SIDT1: variants seen among roughly 807,000 people sequenced by gnomAD.
The protein encoded by SIDT1 is SID1 transmembrane family, member 1.
Under a neutral mutation model 107.5 loss-of-function variants are expected in SIDT1, and 101 were observed. That is an observed-to-expected ratio of 0.94 (90% confidence interval 0.80 to 1.11). The LOEUF is 1.11. SIDT1 is among the 50% of genes least tolerant of loss of function. SIDT1 has a pLI of 0.00. For synonymous variants in SIDT1, 395 were observed against 398.2 expected (o/e 0.99, Z 0.10); for missense variants, 1,076 against 1,058.2 (o/e 1.02, Z -0.23).
At chr3:113,568,362 G>A (rs143752603) in intron 3 of SIDT1, among the ~76,000 whole-genome samples, 171 of 151,766 alleles carry the variant, frequency 1.1e-3, no homozygotes, top group Non-Finnish European at 1.9e-3. Context: ...TTGGGAGGCC[G>A]AGGAGGTGGA....
rs188139781 is a variant in SIDT1 at position 113,600,793 on chromosome 3, G to A, written c.1046-795G>A. ...TTGGTTGAAAAGCATAGATGGTATTGATGACATGTTACATACTTATGGGTC... is the reference window on the plus strand; with the variant it reads ...TTGGTTGAAAAGCATAGATGGTATTAATGACATGTTACATACTTATGGGTC... On this transcript the variant is annotated intron_variant, in intron 10 of 24. Coordinates refer to ENST00000264852, the MANE Select transcript of SIDT1 (RefSeq NM_017699.3). Among the ~76,000 whole-genome samples the A allele has an allele frequency of 1.3e-4, 20 of 152,342 alleles. 1 individual carries two copies. In the East Asian group the frequency reaches 3.5e-3, roughly 26 times the overall value.
chr3:113,603,238 T>C (rs1237065472), intron 12 of SIDT1, 88 bp downstream of exon 12: 3 of 1,410,332 alleles, frequency 2.1e-6, no homozygotes, highest in Non-Finnish European at 2.9e-6. Flanking sequence ...TTCCTTTATT[T>C]TGTTTCCTTC....
chr3:113,607,987 A>T, intron 15 of SIDT1, 107 bp from the exon 16 acceptor site: 1 of 1,268,452 alleles, frequency 7.9e-7, no homozygotes, highest in Non-Finnish European at 1.1e-6. Flanking sequence ...TGGAAAGGTT[A>T]ATGGAAAACA....
rs745946193 is a variant in SIDT1 at position 113,584,736 on chromosome 3, A to T, written c.874A>T (p.Asn292Tyr). ...GACCTGGAATCTACAGCGAAAAAAGAACCTTGAAGTGACCATTGTCCCTTC... is the reference window on the plus strand; with the variant it reads ...GACCTGGAATCTACAGCGAAAAAAGTACCTTGAAGTGACCATTGTCCCTTC... Reference protein sequence around the residue: ...NQTWNLQRKKNLEVTIVPSIK... With the variant: ...NQTWNLQRKKYLEVTIVPSIK... Residue 292 changes from asparagine to tyrosine, a missense_variant, in exon 8 of 25, where the codon AAC becomes TAC. Asn to Tyr is a moderately radical substitution (Grantham distance 143, BLOSUM62 -2). Transcript: ENST00000264852. 1 of 1,601,054 alleles carries T rather than the reference A, an allele frequency of 6.2e-7. No homozygotes were observed. Among genetic ancestry groups the T allele is most frequent in the Admixed American group, 1.8e-5 (1 of 56,172 alleles).
chr3:113,560,150 C>T (rs1472646237), intron 1 of SIDT1, among the ~76,000 whole-genome samples: 2 of 152,100 alleles, frequency 1.3e-5, no homozygotes, highest in African/African-American at 2.4e-5. Context: ...TCTCCCTAAG[C>T]GCCTTCCCAG....
Position 113,614,473 on chromosome 3 carries a change from A to G in SIDT1, c.1967-1627A>G, listed in dbSNP as rs1163614298. 5.9e-5 allele frequency among the ~76,000 whole-genome samples: 9 copies of G among 152,226 alleles called. No individual in the cohort carries two copies. In the South Asian group the frequency reaches 1.2e-3, roughly 21 times the overall value. ...TACCAGAGTCAAAAGAAAACTTTCT[A>G]TTTCGTCGTTGACAATGATTGTGTC... On this transcript the variant is annotated intron_variant, in intron 19 of 24. Coordinates refer to ENST00000264852, the MANE Select transcript of SIDT1 (RefSeq NM_017699.3).
intron 1 of SIDT1, among the ~76,000 whole-genome samples, chr3:113,537,485 T>A (rs945757601): frequency 2.6e-5 from 4 of 152,242 alleles, no homozygotes; most frequent in Non-Finnish European, 5.9e-5. Context: ...GAGTTCTCCA[T>A]GTCTCATATA....
intron 1 of SIDT1, among the ~76,000 whole-genome samples, chr3:113,544,976 G>C (rs539233855): frequency 6.6e-6 from 1 of 151,892 alleles, no homozygotes; most frequent in Non-Finnish European, 1.5e-5. Context: ...TTAGCTGGGC[G>C]TGGTGGCGTG....
In SIDT1 at chr3:113,533,150, C is replaced by T; in HGVS notation, c.129C>T (p.Ala43=). 6.3e-7 allele frequency: 1 copy of T among 1,578,864 alleles called. No homozygotes were observed. The highest frequency in any genetic ancestry group is 1.2e-5 in the South Asian group (1 of 85,684). Residue 43 remains alanine, a synonymous_variant, in exon 1 of 25, where the codon GCC becomes GCT. Coordinates refer to ENST00000264852, the MANE Select transcript of SIDT1 (RefSeq NM_017699.3). Reference sequence around the variant, plus strand: ...CGCGCCGCGACCCCTTCGACGCTGCCAGGGGCGCCGATTTCGATCATGTCT... The same window carrying T: ...CGCGCCGCGACCCCTTCGACGCTGCTAGGGGCGCCGATTTCGATCATGTCT... ...PAPRRDPFDA[A]RGADFDHVYS...
At chr3:113,631,283 A>G (rs553191293), downstream of SIDT1, among the ~76,000 whole-genome samples, 3 of 152,176 alleles carry the variant, frequency 2.0e-5, no homozygotes, top group South Asian at 6.2e-4. Context: ...ATTACCAAAC[A>G]TTCTGTAGGG....
chr3:113,593,500 C>A (rs187038085), intron 10 of SIDT1, among the ~76,000 whole-genome samples: 7 of 152,286 alleles, frequency 4.6e-5, no homozygotes, highest in African/African-American at 1.7e-4. Flanking sequence ...TTCATGAAAC[C>A]AGTCCCTAAA....
Position 113,620,192 on chromosome 3 carries a change from ATGTGTG to A in SIDT1, c.2090+493_2090+498del, listed in dbSNP as rs3085042. Among the ~76,000 whole-genome samples, 11 of 144,650 alleles carry A rather than the reference ATGTGTG, an allele frequency of 7.6e-5. No homozygotes were observed. The South Asian group carries it at 1.8e-3, about 24-fold the overall frequency. 94.9% of individuals were successfully genotyped at this position (144,650 alleles called of 152,430 possible). On this transcript the variant is annotated intron_variant, in intron 21 of 24. Transcript: ENST00000264852. Reference sequence around the variant, plus strand: ...TCTGTAGAAATTTTTCTTTTACTAAATGTGTGTGTGTGTGTGTGTGTGTGTGTGTGT... The same window carrying A: ...TCTGTAGAAATTTTTCTTTTACTAAATGTGTGTGTGTGTGTGTGTGTGTGT...
Position 113,621,035 on chromosome 3 carries a change from C to T in SIDT1, c.2090+1309C>T, listed in dbSNP as rs150457177. ...CCGTGATTATCTGATAGTGGGCTAC[C>T]TCCTTCCCAGTTGCTTCATAAAGAC... On this transcript the variant is annotated intron_variant, in intron 21 of 24. Coordinates refer to ENST00000264852, the MANE Select transcript of SIDT1 (RefSeq NM_017699.3). Among the ~76,000 whole-genome samples, 231 of 152,278 alleles carry T rather than the reference C, an allele frequency of 1.5e-3. 1 individual carries two copies. The highest frequency in any genetic ancestry group is 5.1e-3 in the African/African-American group (213 of 41,542).
intron 1 of SIDT1, among the ~76,000 whole-genome samples, chr3:113,564,025 C>T (rs182592942): frequency 2.0e-5 from 3 of 152,040 alleles, no homozygotes; most frequent in Admixed American, 6.5e-5. Flanking sequence ...CTCAGCTCAC[C>T]GCAACCTCTG....
At chr3:113,594,123 G>A (rs1376269949) in intron 10 of SIDT1, among the ~76,000 whole-genome samples, 1 of 152,136 alleles carries the variant, frequency 6.6e-6, no homozygotes, top group Non-Finnish European at 1.5e-5. Context: ...ATCTTAGAAA[G>A]ACTTTAACTC....
rs761035881 is a variant in SIDT1, at chr3:113,608,485, G to A, written c.1669G>A (p.Val557Met). 32 of 1,614,104 alleles carry A rather than the reference G, an allele frequency of 2.0e-5. No individual in the cohort carries two copies. The South Asian group carries it at 3.5e-4, about 18-fold the overall frequency. The change falls in exon 17 of 25, where the codon GTG becomes ATG. Residue 557 changes from valine (V) to methionine (M), a missense_variant. Physicochemically the swap from Val to Met is conservative, Grantham distance 21. Coordinates refer to ENST00000264852, the MANE Select transcript of SIDT1 (RefSeq NM_017699.3). Reference protein sequence around the residue: ...AMGIALMMEGVLSACYHVCPN... With the variant: ...AMGIALMMEGMLSACYHVCPN... ...GGGCATTGCATTGATGATGGAAGGG[G>A]TGCTCAGTGCTTGCTACCATGTCTG...
intron 1 of SIDT1, among the ~76,000 whole-genome samples, chr3:113,560,135 G>C (rs1393380238): frequency 1.3e-5 from 2 of 152,136 alleles, no homozygotes; most frequent in African/African-American, 2.4e-5. Context: ...GGTTGGAGTA[G>C]ATGGTCTCCC....
At position 113,604,044 on chromosome 3, in the gene SIDT1, G is replaced by T; in HGVS notation, c.1337+11G>T. ...TAAAATTTATTTTTGGTAAGTAGATGACCAGTAGGACCATGGTTCCCTTAA... is the reference window on the plus strand; with the variant it reads ...TAAAATTTATTTTTGGTAAGTAGATTACCAGTAGGACCATGGTTCCCTTAA... On this transcript the variant is annotated intron_variant, in intron 13 of 24. Transcript: ENST00000264852. The T allele has an allele frequency of 1.3e-6, 2 of 1,529,814 alleles. No individual in the cohort carries two copies. The highest frequency in any genetic ancestry group is 2.4e-5 in the South Asian group (2 of 84,784). The allele number at this position is 1,529,814 out of a possible 1,614,324, so 94.8% of individuals were successfully genotyped here. A position where few individuals can be genotyped will look rare whatever the true frequency, so the allele number is the denominator to read the frequency against.
chr3:113,553,898 T>C (rs951571365), intron 1 of SIDT1, among the ~76,000 whole-genome samples: 3 of 152,130 alleles, frequency 2.0e-5, no homozygotes, highest in African/African-American at 7.2e-5. Context: ...ATACAAAAAA[T>C]TCGCTGGGCG....
Sources: gnomAD v4.1 joint callset for allele counts (sites outside exome capture counted in the v4.1 genomes callset) on GRCh38, gnomAD v4.1.1 for gene constraint, MANE v1.5 for transcripts, NCBI Gene and HGNC (gene_info 2026-07-23, HGNC 2026-07-21) for gene names.